MEIS2: variants seen among roughly 807,000 people sequenced by gnomAD.
The protein encoded by MEIS2 is Meis homeobox 2.
MEIS2 carries 9 observed loss-of-function variants against 58.6 expected under a neutral mutation model. The observed-to-expected ratio is 0.15, with a 90% CI of 0.09 to 0.27. The LOEUF (loss-of-function observed/expected upper bound fraction) is 0.27, where lower values mean the gene tolerates loss of function less well. MEIS2 is among the 10% of genes least tolerant of loss of function. The probability of loss-of-function intolerance (pLI) is 1.00; values close to 1 mark genes in which losing one functional copy is unlikely to be tolerated. For synonymous variants in MEIS2, 221 were observed against 228.4 expected (o/e 0.97, Z 0.29); for missense variants, 427 against 635.0 (o/e 0.67, Z 3.52).
rs555438009 is a variant in MEIS2, at chr15:37,043,784, T to G, written c.755-6825A>C. ...CTCACCGCAACCTCCACCTCCCTGGTTCAAGCGATTCTCCTGCTTCAGCCT... is the reference window on the plus strand; with the variant it reads ...CTCACCGCAACCTCCACCTCCCTGGGTCAAGCGATTCTCCTGCTTCAGCCT... On this transcript the variant is annotated intron_variant, in intron 7 of 11. Transcript: ENST00000561208. 4.6e-5 allele frequency among the ~76,000 whole-genome samples: 7 copies of G among 150,822 alleles called. No individual in the cohort carries two copies. The East Asian group carries it at 1.4e-3, about 30-fold the overall frequency.
chr15:36,966,585 C>T (rs1013579881), intron 8 of MEIS2, among the ~76,000 whole-genome samples: 1 of 152,128 alleles, frequency 6.6e-6, no homozygotes, highest in African/African-American at 2.4e-5. Context: ...GTACCTACCT[C>T]ATAGAGTTCT....
intron 8 of MEIS2, among the ~76,000 whole-genome samples, chr15:36,964,082 T>C (rs2059278440): frequency 6.6e-6 from 1 of 152,240 alleles, no homozygotes; most frequent in African/African-American, 2.4e-5. Flanking sequence ...GAATTTGCTG[T>C]TCGCTAAAGT....
chr15:36,908,684 G>A (rs1489853334), intron 9 of MEIS2, among the ~76,000 whole-genome samples: 2 of 152,044 alleles, frequency 1.3e-5, no homozygotes, highest in Admixed American at 6.5e-5. Flanking sequence ...GGCTGGGCAC[G>A]GAGGCTCACA....
chr15:36,965,966 G>A (rs2059341392), intron 8 of MEIS2, among the ~76,000 whole-genome samples: 1 of 152,200 alleles, frequency 6.6e-6, no homozygotes, highest in Non-Finnish European at 1.5e-5. Context: ...GACAAAGTGA[G>A]CTTATACACA....
At chr15:36,948,114 T>C (rs1318481696) in intron 9 of MEIS2, among the ~76,000 whole-genome samples, 1 of 151,940 alleles carries the variant, frequency 6.6e-6, no homozygotes, top group African/African-American at 2.4e-5. Context: ...TTATAGGATT[T>C]TTCTGAAGGA....
chr15:37,048,432 C>A (rs541918112), intron 7 of MEIS2, among the ~76,000 whole-genome samples: 1 of 152,000 alleles, frequency 6.6e-6, no homozygotes, highest in Non-Finnish European at 1.5e-5. Flanking sequence ...AGAGTCCTTA[C>A]TTCATTATCA....
At chr15:36,938,139 G>C (rs989245238) in intron 9 of MEIS2, among the ~76,000 whole-genome samples, 2 of 152,088 alleles carry the variant, frequency 1.3e-5, no homozygotes, top group African/African-American at 4.8e-5. Flanking sequence ...CTAAATCAAA[G>C]TGTGGCTTTG....
intron 6 of MEIS2, among the ~76,000 whole-genome samples, chr15:37,089,063 G>A (rs551832509): frequency 6.6e-6 from 1 of 152,098 alleles, no homozygotes; most frequent in African/African-American, 2.4e-5. Flanking sequence ...AATTAAGAAA[G>A]CTAACAACCA....
chr15:36,953,767 C>T (rs1459052369), intron 8 of MEIS2, among the ~76,000 whole-genome samples: 1 of 152,168 alleles, frequency 6.6e-6, no homozygotes, highest in Non-Finnish European at 1.5e-5. Flanking sequence ...ATTGTAATTA[C>T]CATTCTTCTA....
chr15:36,927,957 G>GA (rs1595742675), intron 9 of MEIS2, among the ~76,000 whole-genome samples: 1 of 151,964 alleles, frequency 6.6e-6, no homozygotes, highest in East Asian at 1.9e-4. Context: ...AAATACTGCT[G>GA]AAAAAAATAT....
At chr15:37,070,518 G>T (rs1051297199) in intron 7 of MEIS2, among the ~76,000 whole-genome samples, 1 of 152,148 alleles carries the variant, frequency 6.6e-6, no homozygotes, top group East Asian at 1.9e-4. Flanking sequence ...ATGCATATTA[G>T]CAAATTAGGG....
At chr15:36,988,001 TA>T (rs2060147857) in intron 8 of MEIS2, among the ~76,000 whole-genome samples, 1 of 152,202 alleles carries the variant, frequency 6.6e-6, no homozygotes, top group Non-Finnish European at 1.5e-5. Context: ...TTTAGACTCT[TA>T]AAAATGCCAC....
chr15:36,895,310 CCAAA>C, intron 10 of MEIS2, 49 bp from the exon 11 acceptor site: 1 of 1,518,038 alleles, frequency 6.6e-7, no homozygotes, highest in Non-Finnish European at 9.1e-7. Flanking sequence ...AAAAGATATA[CCAAA>C]CAATCAGCAA....
At chr15:36,935,539 T>TTTC (rs2058134872) in intron 9 of MEIS2, among the ~76,000 whole-genome samples, 1 of 152,180 alleles carries the variant, frequency 6.6e-6, no homozygotes, top group Non-Finnish European at 1.5e-5. Flanking sequence ...AAGAGAGAGC[T>TTTC]TTAACTTTTC....
chr15:36,977,284 A>G (rs2059790003), intron 8 of MEIS2, among the ~76,000 whole-genome samples: 1 of 152,234 alleles, frequency 6.6e-6, no homozygotes. Flanking sequence ...CAGGCTTCTC[A>G]TAGCATCAAT....
At chr15:37,028,828 A>G (rs982659593) in intron 8 of MEIS2, among the ~76,000 whole-genome samples, 3 of 152,172 alleles carry the variant, frequency 2.0e-5, no homozygotes, top group Non-Finnish European at 4.4e-5. Context: ...CCCAATAAGG[A>G]CATGACGGAT....
At chr15:37,084,200 TA>T (rs924572487) in intron 6 of MEIS2, among the ~76,000 whole-genome samples, 14 of 151,506 alleles carry the variant, frequency 9.2e-5, no homozygotes, top group East Asian at 3.9e-4. Flanking sequence ...ATTTCTAAAG[TA>T]AAAAAAAATT....
At chr15:36,944,288 T>C (rs2058478768) in intron 9 of MEIS2, among the ~76,000 whole-genome samples, 1 of 152,108 alleles carries the variant, frequency 6.6e-6, no homozygotes, top group African/African-American at 2.4e-5. Flanking sequence ...TTTTAATCTC[T>C]TTCCCCGCCT....
chr15:37,072,785 G>A (rs1235008344), intron 7 of MEIS2, among the ~76,000 whole-genome samples: 6 of 151,996 alleles, frequency 3.9e-5, no homozygotes, highest in South Asian at 2.1e-4. Flanking sequence ...CCATTAACTC[G>A]TCATTTAACA....
Sources: allele counts gnomAD v4.1 joint callset (sites outside exome capture counted in the v4.1 genomes callset), GRCh38; gene constraint gnomAD v4.1.1; transcripts MANE v1.5; gene names NCBI Gene and HGNC (gene_info 2026-07-23, HGNC 2026-07-21).